SNX30: variants seen among roughly 807,000 people sequenced by gnomAD.
The protein encoded by SNX30 is sorting nexin family member 30, also known as sorting nexin-30.
SNX30 carries 24 observed loss-of-function variants against 46.4 expected under a neutral mutation model. The ratio of observed to expected loss-of-function variants is 0.52; its 90% CI spans 0.37 to 0.73. The LOEUF (loss-of-function observed/expected upper bound fraction) is 0.73, where lower values mean the gene tolerates loss of function less well. Among genes scored for constraint, SNX30 ranks in the 30% least tolerant of loss-of-function variants. SNX30 has a pLI of 0.00. For synonymous variants in SNX30, 189 were observed against 211.5 expected, an observed-to-expected ratio of 0.89 and a Z score of 0.92; for missense variants, 533 against 555.7, an observed-to-expected ratio of 0.96 and a Z score of 0.41.
At chr9:112,750,709 C>T (rs957083070), upstream of SNX30, 2 of 150,978 alleles carry the variant, frequency 1.3e-5, no homozygotes, top group African/African-American at 2.4e-5. Context: ...CGCGGCGCCT[C>T]GGGGGCGGGG....
intron 7 of SNX30, among the ~76,000 whole-genome samples, chr9:112,860,382 G>A (rs1358125065): frequency 6.6e-6 from 1 of 152,168 alleles, no homozygotes; most frequent in Non-Finnish European, 1.5e-5. Flanking sequence ...GTGGAGGGAG[G>A]CATCACTCTT....
At chr9:112,765,605 A>T (rs1253969337) in intron 1 of SNX30, among the ~76,000 whole-genome samples, 1 of 152,102 alleles carries the variant, frequency 6.6e-6, no homozygotes, top group Non-Finnish European at 1.5e-5. Flanking sequence ...AGCCTCCTCC[A>T]TGTTGTATGT....
intron 1 of SNX30, among the ~76,000 whole-genome samples, chr9:112,774,399 A>G (rs1164858892): frequency 2.0e-5 from 3 of 152,302 alleles, no homozygotes; most frequent in South Asian, 2.1e-4. Context: ...CCTTACAGAA[A>G]GGAAAAAGGA....
At chr9:112,865,633 A>G (rs1564297090) in intron 8 of SNX30, among the ~76,000 whole-genome samples, 5 of 74,772 alleles carry the variant, frequency 6.7e-5, no homozygotes, top group Non-Finnish European at 1.5e-4. Context: ...CCATATATAT[A>G]TATATATATA....
intron 1 of SNX30, among the ~76,000 whole-genome samples, chr9:112,790,601 A>T (rs1840004352): frequency 6.6e-6 from 1 of 152,228 alleles, no homozygotes; most frequent in African/African-American, 2.4e-5. Context: ...TCCAAGGCCA[A>T]AGTCAGTGTG....
rs139739019 is a variant in SNX30, at chr9:112,766,457, C to T, written c.156+15300C>T. 2.2e-3 allele frequency among the ~76,000 whole-genome samples: 328 copies of T among 152,218 alleles called. 1 individual carries two copies. The highest frequency in any genetic ancestry group is 4.5e-3 in the African/African-American group (188 of 41,536). Reference sequence around the variant, plus strand: ...TAATTTTAGATATGAATGTACAATACGATGGCGTTAAGTACCCTGGCTTGT... The same window carrying T: ...TAATTTTAGATATGAATGTACAATATGATGGCGTTAAGTACCCTGGCTTGT... On this transcript the variant is annotated intron_variant, in intron 1 of 8. Coordinates refer to ENST00000374232, the MANE Select transcript of SNX30 (RefSeq NM_001012994.2).
At chr9:112,769,243 CT>C (rs1233546796) in intron 1 of SNX30, among the ~76,000 whole-genome samples, 3 of 152,210 alleles carry the variant, frequency 2.0e-5, no homozygotes, top group African/African-American at 7.2e-5. Flanking sequence ...TCCTCTCCAC[CT>C]CTAGTTAACA....
At chr9:112,825,638 G>A (rs528346253) in intron 3 of SNX30, among the ~76,000 whole-genome samples, 1 of 151,460 alleles carries the variant, frequency 6.6e-6, no homozygotes, top group East Asian at 2.0e-4. Flanking sequence ...ACGTTATATA[G>A]ACATTCTACC....
intron 2 of SNX30, among the ~76,000 whole-genome samples, chr9:112,814,756 A>G (rs1219660692): frequency 6.6e-6 from 1 of 152,238 alleles, no homozygotes; most frequent in Non-Finnish European, 1.5e-5. Context: ...TTCTGAAAGC[A>G]GTTTGTCAAT....
chr9:112,788,567 C>G (rs901421531), intron 1 of SNX30, among the ~76,000 whole-genome samples: 1 of 151,604 alleles, frequency 6.6e-6, no homozygotes, highest in African/African-American at 2.4e-5. Flanking sequence ...TACCTGGGCT[C>G]CTCACACACC....
At chr9:112,788,949 C>T (rs796665617) in intron 1 of SNX30, among the ~76,000 whole-genome samples, 9 of 152,270 alleles carry the variant, frequency 5.9e-5, no homozygotes, top group African/African-American at 2.2e-4. Context: ...GCATGCGCCA[C>T]CACGCCCAGC....
rs898492906 is a variant in SNX30 at position 112,784,559 on chromosome 9, G to A, written c.157-20217G>A. On this transcript the variant is annotated intron_variant, in intron 1 of 8. Transcript: ENST00000374232. ...CTGCACTTCACCCCTTGGCGATTTT[G>A]CTGATGTGGTGTTCCGTGCCAGGAA... Among the ~76,000 whole-genome samples, 3 of 152,146 alleles carry A rather than the reference G, an allele frequency of 2.0e-5. No homozygotes were observed. The East Asian group carries it at 5.8e-4, about 29-fold the overall frequency.
Position 112,874,292 on chromosome 9 carries a change from T to G in SNX30, c.*5449T>G, listed in dbSNP as rs1356590080. ...ACACCCCTGAAGTTTGGATGAAGTC[T>G]GGTGGATTCCCTGTCTGTTGTATTT... is the stretch of plus-strand genomic sequence containing the variant. On this transcript the variant is annotated 3_prime_UTR_variant, in exon 9 of 9. Transcript: ENST00000374232. 6.6e-6 allele frequency: 1 copy of G among 152,236 alleles called. No homozygotes were observed. Among genetic ancestry groups the G allele is most frequent in the Admixed American group, 6.5e-5 (1 of 15,280 alleles). 9.4% of individuals were successfully genotyped at this position (152,236 alleles called of 1,614,324 possible). A position where few individuals can be genotyped will look rare whatever the true frequency, so the allele number is the denominator to read the frequency against.
chr9:112,883,990 C>T (rs542981226), downstream of SNX30, among the ~76,000 whole-genome samples: 3 of 152,282 alleles, frequency 2.0e-5, no homozygotes, highest in African/African-American at 4.8e-5. Flanking sequence ...CCATCGTGCC[C>T]AGCCTGGCTT....
At chr9:112,753,266 T>C (rs1250459842) in intron 1 of SNX30, among the ~76,000 whole-genome samples, 2 of 152,206 alleles carry the variant, frequency 1.3e-5, no homozygotes, top group Non-Finnish European at 2.9e-5. Flanking sequence ...AAATTCCCCG[T>C]ACCACCAAGA....
intron 1 of SNX30, among the ~76,000 whole-genome samples, chr9:112,757,266 T>C (rs1268457251): frequency 6.6e-6 from 1 of 152,258 alleles, no homozygotes; most frequent in African/African-American, 2.4e-5. Context: ...TGTGTCCGGC[T>C]TGTTGCACTT....
rs1841434598 is a variant in SNX30 at position 112,870,872 on chromosome 9, T to C, written c.*2029T>C. 6.6e-6 allele frequency: 1 copy of C among 152,246 alleles called. No homozygotes were observed. The highest frequency in any genetic ancestry group is 2.1e-4 in the South Asian group (1 of 4,834). 9.4% of individuals were successfully genotyped at this position (152,246 alleles called of 1,614,324 possible). A position where few individuals can be genotyped will look rare whatever the true frequency, so the allele number is the denominator to read the frequency against. ...TTGGGGAAGGTATGCTTTACAAATGTCCAGTGTAATGAATGTTTGGAAAAA... is the reference window on the plus strand; with the variant it reads ...TTGGGGAAGGTATGCTTTACAAATGCCCAGTGTAATGAATGTTTGGAAAAA... On this transcript the variant is annotated 3_prime_UTR_variant, in exon 9 of 9. Transcript: ENST00000374232.
chr9:112,777,905 C>T (rs1000286037), intron 1 of SNX30, among the ~76,000 whole-genome samples: 2 of 152,130 alleles, frequency 1.3e-5, no homozygotes, highest in Non-Finnish European at 2.9e-5. Flanking sequence ...GCTTAACCAC[C>T]CCAAAACTAA....
chr9:112,831,591 A>T (rs1840659964), intron 4 of SNX30, among the ~76,000 whole-genome samples: 1 of 152,206 alleles, frequency 6.6e-6, no homozygotes, highest in Non-Finnish European at 1.5e-5. Flanking sequence ...AGGTAGCGTC[A>T]CTAGGATCTC....
Sources: allele counts gnomAD v4.1 joint callset (sites outside exome capture counted in the v4.1 genomes callset), GRCh38; gene constraint gnomAD v4.1.1; transcripts MANE v1.5; gene names NCBI Gene and HGNC (gene_info 2026-07-23, HGNC 2026-07-21).